The following FOXP2 variants were observed in gnomAD, a reference collection of about 807,000 sequenced individuals.
FOXP2 encodes the protein forkhead box P2.
FOXP2 carries 12 observed loss-of-function variants against 115.8 expected under a neutral mutation model. The ratio of observed to expected loss-of-function variants is 0.10; its 90% CI spans 0.07 to 0.17. The LOEUF is 0.17. Ranked by LOEUF, FOXP2 falls within the 10% of genes least tolerant of loss-of-function variation. FOXP2 has a pLI of 1.00. For missense variants in FOXP2, 629 were observed against 843.5 expected, an observed-to-expected ratio of 0.75 and a Z score of 3.15; for synonymous variants, 328 against 297.7, an observed-to-expected ratio of 1.10 and a Z score of -1.05.
At chr7:114,151,355 CA>C (rs1461196120) in intron 1 of FOXP2, among the ~76,000 whole-genome samples, 1 of 151,994 alleles carries the variant, frequency 6.6e-6, no homozygotes. Context: ...ATATTTCACT[CA>C]AATTTTCATA....
intron 2 of FOXP2, among the ~76,000 whole-genome samples, chr7:114,394,937 G>A (rs192016269): frequency 6.5e-4 from 99 of 152,300 alleles, no homozygotes; most frequent in African/African-American, 2.3e-3. Context: ...CTGAGCATTA[G>A]ATCGTGTGAA....
At chr7:114,502,093 A>C (rs955845603) in intron 2 of FOXP2, among the ~76,000 whole-genome samples, 8 of 152,040 alleles carry the variant, frequency 5.3e-5, no homozygotes, top group African/African-American at 1.9e-4. Context: ...TTAAAACTGC[A>C]TTTACCTAAA....
rs1352518615 is a variant in FOXP2, at chr7:114,690,674, T to C, written c.*748T>C. ...AACATTTGCATATCTGCATAGATCT[T>C]ACAACTGTACTCTTTACCTCCTTGT... On this transcript the variant is annotated 3_prime_UTR_variant, in exon 17 of 17. Coordinates refer to ENST00000350908, the MANE Select transcript of FOXP2 (RefSeq NM_014491.4). The C allele has an allele frequency of 2.2e-6, 1 of 454,498 alleles. No individual in the cohort carries two copies. Among genetic ancestry groups the C allele is most frequent in the Non-Finnish European group, 4.4e-6 (1 of 226,778 alleles). 28.2% of individuals were successfully genotyped at this position (454,498 alleles called of 1,614,324 possible).
chr7:114,505,745 G>A (rs1238686793), intron 2 of FOXP2, among the ~76,000 whole-genome samples: 1 of 151,464 alleles, frequency 6.6e-6, no homozygotes, highest in Admixed American at 6.6e-5. Context: ...TAGGGTTTTT[G>A]TGTGTTCAGA....
At chr7:114,172,916 T>C (rs147901107) in intron 1 of FOXP2, among the ~76,000 whole-genome samples, 5 of 152,246 alleles carry the variant, frequency 3.3e-5, no homozygotes, top group African/African-American at 1.2e-4. Context: ...CAGTGTATTT[T>C]ATTTCAGGAA....
At chr7:114,620,104 A>G (rs1182133403) in intron 3 of FOXP2, among the ~76,000 whole-genome samples, 1 of 152,004 alleles carries the variant, frequency 6.6e-6, no homozygotes, top group Non-Finnish European at 1.5e-5. Context: ...GCACAAAACA[A>G]AACTACCAGA....
At chr7:114,582,645 A>G (rs1450874027) in intron 3 of FOXP2, among the ~76,000 whole-genome samples, 1 of 152,198 alleles carries the variant, frequency 6.6e-6, no homozygotes, top group Non-Finnish European at 1.5e-5. Context: ...AAGAACATAA[A>G]TTATTTTATG....
intron 9 of FOXP2, 143 bp from the exon 10 acceptor site, chr7:114,653,782 TC>T (rs1397791371): frequency 1.1e-6 from 1 of 878,912 alleles, no homozygotes; most frequent in Non-Finnish European, 1.8e-6. Flanking sequence ...TTGCATTTCC[TC>T]CCAGATAAGT....
At chr7:114,497,691 A>G (rs1402985665) in intron 2 of FOXP2, among the ~76,000 whole-genome samples, 1 of 149,990 alleles carries the variant, frequency 6.7e-6, no homozygotes, top group Non-Finnish European at 1.5e-5. Flanking sequence ...ATAAATAAAT[A>G]AATAAATAAA....
At chr7:114,595,304 T>C (rs1802637353) in intron 3 of FOXP2, among the ~76,000 whole-genome samples, 1 of 152,006 alleles carries the variant, frequency 6.6e-6, no homozygotes, top group Admixed American at 6.6e-5. Context: ...AATTTTCCTA[T>C]TTTCTAGAAC....
intron 3 of FOXP2, among the ~76,000 whole-genome samples, chr7:114,612,750 G>A (rs1312360825): frequency 6.6e-6 from 1 of 152,152 alleles, no homozygotes; most frequent in Non-Finnish European, 1.5e-5. Context: ...CATTGATCAA[G>A]TTTTTGATAT....
At position 114,658,156 on chromosome 7, in the gene FOXP2, C is replaced by T. The variant is rs749278394; in HGVS notation, c.1357C>T (p.Pro453Ser). ...TCAAACCCCTACCACACCAACGGCC[C>T]CAGTCACCCCGATTACCCAGGGACC... ...LPQTPTTPTA[P>S]VTPITQGPSV... is the part of the protein sequence containing the mutation. Residue 453 changes from proline to serine, a missense_variant, in exon 11 of 17, where the codon CCA becomes TCA. By Grantham distance (74) the Pro-to-Ser change is moderately conservative (BLOSUM62 -1). Transcript: ENST00000350908. 16 of 1,613,966 alleles carry T rather than the reference C, an allele frequency of 9.9e-6. No individual in the cohort carries two copies. In the Admixed American group the frequency reaches 2.7e-4, roughly 27 times the overall value.
intron 3 of FOXP2, among the ~76,000 whole-genome samples, chr7:114,577,349 C>G (rs1801626408): frequency 6.6e-6 from 1 of 151,160 alleles, no homozygotes; most frequent in Non-Finnish European, 1.5e-5. Flanking sequence ...TTCAGAAAGC[C>G]TACTATCACC....
chr7:114,595,966 G>T (rs1802675714), intron 3 of FOXP2, among the ~76,000 whole-genome samples: 1 of 151,824 alleles, frequency 6.6e-6, no homozygotes, highest in African/African-American at 2.4e-5. Context: ...AATATGAGTA[G>T]TTTCAGTGTA....
intron 1 of FOXP2, among the ~76,000 whole-genome samples, chr7:114,272,579 T>A (rs1366830591): frequency 6.6e-6 from 1 of 151,938 alleles, no homozygotes; most frequent in East Asian, 1.9e-4. Flanking sequence ...CCTATTCTGG[T>A]TATTTATTTC....
intron 6 of FOXP2, among the ~76,000 whole-genome samples, chr7:114,635,803 A>G (rs1197600778): frequency 2.0e-5 from 3 of 152,128 alleles, no homozygotes; most frequent in Non-Finnish European, 4.4e-5. Context: ...GCAGTGTGTC[A>G]ACTTTGCCAT....
intron 2 of FOXP2, among the ~76,000 whole-genome samples, chr7:114,381,454 G>A (rs1395819199): frequency 6.6e-6 from 1 of 152,172 alleles, no homozygotes; most frequent in Admixed American, 6.5e-5. Flanking sequence ...CTAATGCCTG[G>A]CCAAATAGAT....
intron 3 of FOXP2, among the ~76,000 whole-genome samples, chr7:114,580,194 A>C: frequency 6.6e-6 from 1 of 152,194 alleles, no homozygotes; most frequent in Admixed American, 6.5e-5. Context: ...AAAATATTGG[A>C]GTCTATGTGT....
At chr7:114,473,049 G>A (rs1763106087) in intron 2 of FOXP2, among the ~76,000 whole-genome samples, 1 of 152,162 alleles carries the variant, frequency 6.6e-6, no homozygotes, top group Non-Finnish European at 1.5e-5. Context: ...ACCACACTTT[G>A]TAGATCAGGA....
Sources: allele counts gnomAD v4.1 joint callset (sites outside exome capture counted in the v4.1 genomes callset), GRCh38; gene constraint gnomAD v4.1.1; transcripts MANE v1.5; gene names NCBI Gene and HGNC (gene_info 2026-07-23, HGNC 2026-07-21).